CACNA1G: variants seen among roughly 807,000 people sequenced by gnomAD.
The protein encoded by CACNA1G is voltage-dependent T-type calcium channel subunit alpha-1G.
A neutral mutation model predicts 219.4 loss-of-function variants in CACNA1G; 67 were observed. That is an observed-to-expected ratio of 0.31 (90% CI 0.25 to 0.37). The LOEUF is 0.37. CACNA1G is among the 10% of genes least tolerant of loss of function. The pLI is 1.00. For synonymous variants in CACNA1G, 1,296 were observed against 1,345.3 expected (o/e 0.96, Z 0.80); for missense variants, 2,380 against 3,231.4 (o/e 0.74, Z 6.39).
At chr17:50,561,744 G>A in intron 1 of CACNA1G, 43 bp downstream of exon 1, 2 of 1,492,100 alleles carry the variant, frequency 1.3e-6, no homozygotes, top group Non-Finnish European at 1.8e-6. Context: ...GTCAGAAGGG[G>A]GACGGGCCGC....
chr17:50,569,949 G>A (rs2144664232), intron 4 of CACNA1G, 146 bp downstream of exon 4: 19 of 609,018 alleles, frequency 3.1e-5, no homozygotes, highest in Middle Eastern at 4.5e-4. Context: ...GGGATTGCTG[G>A]AACAAAATGG....
chr17:50,605,689 C>T (rs188884728), intron 22 of CACNA1G, among the ~76,000 whole-genome samples: 4 of 152,318 alleles, frequency 2.6e-5, no homozygotes, highest in East Asian at 1.9e-4. Flanking sequence ...CTGCCCGCCC[C>T]GATTACCTTT....
intron 10 of CACNA1G, among the ~76,000 whole-genome samples, chr17:50,591,102 T>C (rs544686899): frequency 1.3e-5 from 2 of 152,364 alleles, no homozygotes; most frequent in African/African-American, 4.8e-5. Flanking sequence ...ACCACTTTAT[T>C]GCTTTTGGAA....
intron 9 of CACNA1G, among the ~76,000 whole-genome samples, chr17:50,589,912 C>CTCTCTCTCTCTCTCTCTGTGTG (rs1326523232): frequency 7.1e-6 from 1 of 141,836 alleles, no homozygotes; most frequent in African/African-American, 2.8e-5. Context: ...CTCTCTCTCT[C>CTCTCTCTCTCTCTCTCTGTGTG]TGTGTGTGTG....
intron 9 of CACNA1G, among the ~76,000 whole-genome samples, chr17:50,580,373 C>A (rs9893854): frequency 0.029 from 4,369 of 152,132 alleles, 223 homozygotes; most frequent in African/African-American, 0.1. Flanking sequence ...CACCCCTGTT[C>A]CGGCCATGGT....
intron 13 of CACNA1G, among the ~76,000 whole-genome samples, chr17:50,593,423 C>G (rs971361117): frequency 9.8e-5 from 15 of 152,386 alleles, no homozygotes; most frequent in African/African-American, 3.6e-4. Flanking sequence ...TTCCCCTCCC[C>G]TCCTCTGCCA....
chr17:50,626,735 C>T lies in CACNA1G; in HGVS notation c.7118C>T (p.Ala2373Val). 1 of 1,613,200 alleles carries T rather than the reference C, an allele frequency of 6.2e-7. No homozygotes were observed. Among genetic ancestry groups the T allele is most frequent in the Non-Finnish European group, 8.5e-7 (1 of 1,179,896 alleles). The change falls in exon 38 of 38, where the codon GCA (alanine) becomes GTA (valine). Residue 2373 changes from alanine to valine, a missense_variant. Around this residue, in one of 17 missense-constraint regions of CACNA1G, gnomAD observed 672 missense variants for 670.5 expected, o/e 1.00. Transcript: ENST00000359106. The surrounding 1 kb of genome is among the most constrained non-coding windows in gnomAD (Gnocchi z 4.3). ...CTCTCCGGTTTATCCTCTGACCCAG[C>T]AGACCTGGACCCCTGAGTCCTGCCC... ...LSLSGLSSDP[A>V]DLDP
intron 1 of CACNA1G, among the ~76,000 whole-genome samples, chr17:50,566,490 C>G (rs1261633904): frequency 6.6e-6 from 1 of 152,182 alleles, no homozygotes; most frequent in Admixed American, 6.5e-5. Context: ...TGATCAAGAG[C>G]TGTGCATGAG....
In CACNA1G at chr17:50,591,993, G is replaced by T. The variant is rs753205197; in HGVS notation, c.2811G>T (p.Ser937=). 1 of 1,613,946 alleles carries T rather than the reference G, an allele frequency of 6.2e-7. No individual in the cohort carries two copies. Among genetic ancestry groups the T allele is most frequent in the Non-Finnish European group, 8.5e-7 (1 of 1,179,830 alleles). The change falls in exon 13 of 38, where the codon TCG becomes TCT. Residue 937 remains serine, a synonymous_variant. Transcript: ENST00000359106. ...TCTACAATGGTATGGCCTCCACGTCGTCCTGGGCGGCCCTTTATTTCATTG... is the reference window on the plus strand; with the variant it reads ...TCTACAATGGTATGGCCTCCACGTCTTCCTGGGCGGCCCTTTATTTCATTG... ...KVLYNGMAST[S]SWAALYFIAL... is the part of the protein sequence containing the mutation.
At position 50,596,604 on chromosome 17, in the gene CACNA1G, C is replaced by A. The variant is rs2045602193; in HGVS notation, c.3022C>A (p.Pro1008Thr). Residue 1008 changes from proline to threonine, a missense_variant, in exon 15 of 38, where the codon CCC (proline) becomes ACC (threonine). Transcript: ENST00000359106. This position sits in a 1 kb window ranked among gnomAD's most constrained non-coding sequence, Gnocchi z 4.8. ...KSESEPDFFS[P>T]SLDGDGDRKK... ...CGAATCAGAGCCCGATTTCTTCTCACCCAGCCTGGATGGTGATGGGGACAG... is the reference window on the plus strand; with the variant it reads ...CGAATCAGAGCCCGATTTCTTCTCAACCAGCCTGGATGGTGATGGGGACAG... The A allele has an allele frequency of 3.1e-6, 5 of 1,613,952 alleles. No individual in the cohort carries two copies. Among genetic ancestry groups the A allele is most frequent in the Non-Finnish European group, 4.2e-6 (5 of 1,179,856 alleles).
chr17:50,627,150 G>A lies in CACNA1G; in HGVS notation c.*399G>A, dbSNP rs141032183. 0.015 allele frequency: 6,793 copies of A among 458,688 alleles called. 73 individuals are homozygous for A. The highest frequency in any genetic ancestry group is 0.021 in the Non-Finnish European group (4,897 of 230,006). The allele number at this position is 458,688 out of a possible 1,614,324, so 28.4% of individuals were successfully genotyped here. On this transcript the variant is annotated 3_prime_UTR_variant, in exon 38 of 38. Coordinates refer to ENST00000359106, the MANE Select transcript of CACNA1G (RefSeq NM_018896.5). ...TTATGTGTCTCAGAATATTTTTGAG[G>A]CGAAGGCGTCTGTCTCTTGGCTATT...
chr17:50,615,404 G>A lies in CACNA1G; in HGVS notation c.4803G>A (p.Arg1601=). 6.2e-7 allele frequency: 1 copy of A among 1,612,362 alleles called. No homozygotes were observed. Among genetic ancestry groups the A allele is most frequent in the Non-Finnish European group, 8.5e-7 (1 of 1,178,746 alleles). ...ACTACTCCGACTACTCCCGCTTCCGGCTCCTCGTCCACCACTTGTGCACCA... is the reference window on the plus strand; with the variant it reads ...ACTACTCCGACTACTCCCGCTTCCGACTCCTCGTCCACCACTTGTGCACCA... ...KPYYSDYSRF[R]LLVHHLCTSH... is the part of the protein sequence containing the mutation. The change falls in exon 27 of 38, where the codon CGG becomes CGA. Residue 1601 remains arginine (R), a synonymous_variant. Transcript: ENST00000359106.
In CACNA1G at chr17:50,617,812, GC is replaced by G; in HGVS notation, c.5156-45del. The G allele has an allele frequency of 5.0e-6, 8 of 1,600,656 alleles. No homozygotes were observed. Among genetic ancestry groups the G allele is most frequent in the Non-Finnish European group, 6.8e-6 (8 of 1,171,340 alleles). ...TGGTCCTGACTCTGCCAGCTGTCTG[GC>G]CGGGGACCCAAAGAGGCCAGCTCAT... is the stretch of plus-strand genomic sequence containing the variant. On this transcript the variant is annotated intron_variant, in intron 29 of 37. Transcript: ENST00000359106. This position sits in a 1 kb window ranked among gnomAD's most constrained non-coding sequence, Gnocchi z 5.8.
Position 50,561,688 on chromosome 17 carries a change from A to G in CACNA1G, c.229A>G (p.Thr77Ala). 6.2e-7 allele frequency: 1 copy of G among 1,601,050 alleles called. No individual in the cohort carries two copies. Among genetic ancestry groups the G allele is most frequent in the South Asian group, 1.1e-5 (1 of 90,348 alleles). ...DSRPRSWCLR[T>A]VCNPWFERIS... ...CCGCCCGCGGAGCTGGTGTCTCCGC[A>G]CGGTCTGTAACCCATATCCTTCGGG... Residue 77 changes from threonine (T) to alanine (A), a missense_variant, in exon 1 of 38, where the codon ACG (threonine) becomes GCG (alanine). By Grantham distance (58) the Thr-to-Ala change is moderately conservative. Transcript: ENST00000359106.
In CACNA1G at chr17:50,626,117, A is replaced by G. The variant is rs775089978; in HGVS notation, c.6500A>G (p.Tyr2167Cys). The G allele has an allele frequency of 4.3e-6, 7 of 1,612,980 alleles. No individual in the cohort carries two copies. Among genetic ancestry groups the G allele is most frequent in the East Asian group, 4.5e-5 (2 of 44,804 alleles). Residue 2167 changes from tyrosine (Y) to cysteine (C), a missense_variant, in exon 38 of 38, where the codon TAC (tyrosine) becomes TGC (cysteine). Physicochemically the swap from Tyr to Cys is radical, Grantham distance 194. Coordinates refer to ENST00000359106, the MANE Select transcript of CACNA1G (RefSeq NM_018896.5). This position sits in a 1 kb window ranked among gnomAD's most constrained non-coding sequence, Gnocchi z 4.3. The part of the protein sequence containing the change: ...SGPSPPLARA[Y>C]SFWGQSSTQA... Reference sequence around the variant, plus strand: ...CCCTCCCCGCCCCTGGCCCGGGCCTACTCTTTCTGGGGCCAGTCAAGTACC... The same window carrying G: ...CCCTCCCCGCCCCTGGCCCGGGCCTGCTCTTTCTGGGGCCAGTCAAGTACC...
chr17:50,580,434 G>T (rs531669445), intron 9 of CACNA1G, among the ~76,000 whole-genome samples: 1 of 152,214 alleles, frequency 6.6e-6, no homozygotes, highest in Admixed American at 6.5e-5. Context: ...TCCCTACCCC[G>T]GGGGGAGCAC....
At chr17:50,569,352 G>A (rs1025846965) in intron 3 of CACNA1G, 54 bp downstream of exon 3, 122 of 1,590,116 alleles carry the variant, frequency 7.7e-5, no homozygotes, top group African/African-American at 3.1e-4. Context: ...TCCCTTCCCC[G>A]GGGCCAGGGT....
intron 1 of CACNA1G, among the ~76,000 whole-genome samples, chr17:50,564,390 A>G (rs1195011130): frequency 6.6e-6 from 1 of 150,848 alleles, no homozygotes; most frequent in Admixed American, 6.6e-5. Context: ...AGTTTCTCCA[A>G]GCTCAGAGCC....
chr17:50,596,649 G>A lies in CACNA1G; in HGVS notation c.3064+3G>A. ...GGACAGGAAGAAGTGCTTGGCCTGT[G>A]AGTACCTATCCTGGGGTGCGACTTT... On this transcript the variant is annotated splice_donor_region_variant and intron_variant, in intron 15 of 37. Transcript: ENST00000359106. This position sits in a 1 kb window ranked among gnomAD's most constrained non-coding sequence, Gnocchi z 4.8. The A allele has an allele frequency of 5.0e-6, 8 of 1,613,922 alleles. No homozygotes were observed. Among genetic ancestry groups the A allele is most frequent in the Non-Finnish European group, 6.8e-6 (8 of 1,179,828 alleles).
Sources: allele counts gnomAD v4.1 joint callset (sites outside exome capture counted in the v4.1 genomes callset), GRCh38; gene constraint gnomAD v4.1.1; regional missense constraint gnomAD v4.1.1; non-coding constraint Gnocchi (gnomAD v3.1); transcripts MANE v1.5; gene names NCBI Gene and HGNC (gene_info 2026-07-23, HGNC 2026-07-21).